HPN: variants seen among roughly 807,000 people sequenced by gnomAD.
The protein encoded by HPN is hepsin.
Under a neutral mutation model 55.9 loss-of-function variants are expected in HPN, and 13 were observed. The observed-to-expected ratio is 0.23, with a 90% confidence interval of 0.15 to 0.37. The LOEUF is 0.37. Ranked by LOEUF, HPN falls within the 10% of genes least tolerant of loss-of-function variation. The pLI is 1.00. For missense variants in HPN, 451 were observed against 575.8 expected, an observed-to-expected ratio of 0.78 and a Z score of 2.22; for synonymous variants, 225 against 240.3, an observed-to-expected ratio of 0.94 and a Z score of 0.59.
rs2064320313 is a variant in HPN, at chr19:35,044,218, G to T, written c.16+1696G>T. On this transcript the variant is annotated intron_variant, in intron 2 of 12. Coordinates refer to ENST00000672452, the MANE Select transcript of HPN (RefSeq NM_001384133.1). Reference sequence around the variant, plus strand: ...TGTGATTCAGAGAGCCGTTGTGGCTGCAGCGGCTGCTGTTGTTGGTGTCAC... The same window carrying T: ...TGTGATTCAGAGAGCCGTTGTGGCTTCAGCGGCTGCTGTTGTTGGTGTCAC... 2.0e-5 allele frequency among the ~76,000 whole-genome samples: 3 copies of T among 152,228 alleles called. No homozygotes were observed. The South Asian group carries it at 6.2e-4, about 32-fold the overall frequency.
chr19:35,065,351 T>A lies in HPN; in HGVS notation c.907+6T>A. On this transcript the variant is annotated splice_donor_region_variant and intron_variant, in intron 10 of 12. Coordinates refer to ENST00000672452, the MANE Select transcript of HPN (RefSeq NM_001384133.1). ...GGGCAACACGCAGTACTATGGTGAG[T>A]CCTGTCCTCTGCCTCTGATGCCACC... 1 of 1,608,366 alleles carries A rather than the reference T, an allele frequency of 6.2e-7. No homozygotes were observed. The highest frequency in any genetic ancestry group is 1.3e-5 in the African/African-American group (1 of 74,840).
Position 35,045,690 on chromosome 19 carries a change from G to A in HPN, c.16+3168G>A, listed in dbSNP as rs150959086. Among the ~76,000 whole-genome samples, 4 of 151,382 alleles carry A rather than the reference G, an allele frequency of 2.6e-5. No individual in the cohort carries two copies. In the East Asian group the frequency reaches 6.0e-4, roughly 23 times the overall value. On this transcript the variant is annotated intron_variant, in intron 2 of 12. Coordinates refer to ENST00000672452, the MANE Select transcript of HPN (RefSeq NM_001384133.1). ...AGACACGCAGGGAGGATGAGGATGC[G>A]TCCCACACCCTGGGCCAGATGAGGA...
At chr19:35,046,201 G>A (rs922995795) in intron 2 of HPN, among the ~76,000 whole-genome samples, 1 of 152,126 alleles carries the variant, frequency 6.6e-6, no homozygotes, top group African/African-American at 2.4e-5. Context: ...CTCTTTTGGG[G>A]AAGAGAGTGT....
intron 7 of HPN, 30 bp from the exon 8 acceptor site, chr19:35,060,317 C>T (rs769410714): frequency 8.7e-6 from 14 of 1,606,110 alleles, no homozygotes; most frequent in Middle Eastern, 1.6e-4. Flanking sequence ...AGTCCCCTGT[C>T]GCCGCCCCCT....
At chr19:35,059,494 G>T in intron 4 of HPN, 179 bp from the exon 5 acceptor site, 1 of 786,334 alleles carries the variant, frequency 1.3e-6, no homozygotes, top group Non-Finnish European at 2.1e-6. Context: ...AAAAAAAAAA[G>T]TCCTTGAGTC....
Position 35,060,468 on chromosome 19 carries a change from G to C in HPN, c.576G>C (p.Leu192=). 6.2e-7 allele frequency: 1 copy of C among 1,613,332 alleles called. No individual in the cohort carries two copies. Among genetic ancestry groups the C allele is most frequent in the East Asian group, 2.2e-5 (1 of 44,880 alleles). The change falls in exon 8 of 13, where the codon CTG becomes CTC. Residue 192 remains leucine, a synonymous_variant. Coordinates refer to ENST00000672452, the MANE Select transcript of HPN (RefSeq NM_001384133.1). ...GAGCACACCTCTGTGGGGGATCCCT[G>C]CTCTCCGGGGACTGGGTGCTGACAG... ...YDGAHLCGGS[L]LSGDWVLTAA...
intron 2 of HPN, among the ~76,000 whole-genome samples, chr19:35,047,294 C>T (rs939475073): frequency 1.3e-5 from 2 of 152,228 alleles, no homozygotes; most frequent in African/African-American, 4.8e-5. Flanking sequence ...CATAAGAGAG[C>T]CTGCTTATTC....
chr19:35,059,109 C>T (rs555108359), intron 4 of HPN: 1 of 169,364 alleles, frequency 5.9e-6, no homozygotes, highest in South Asian at 1.3e-4. Flanking sequence ...CCCTGGTTCG[C>T]GGAGGGGCCG....
intron 7 of HPN, 59 bp from the exon 8 acceptor site, chr19:35,060,288 C>A (rs1473207022): frequency 6.2e-6 from 10 of 1,606,682 alleles, no homozygotes; most frequent in Non-Finnish European, 8.5e-6. Context: ...CAAGCCTGGG[C>A]TCTGGGGACC....
chr19:35,064,359 CTTTT>C (rs1307521823), intron 9 of HPN, among the ~76,000 whole-genome samples: 1 of 151,828 alleles, frequency 6.6e-6, no homozygotes, highest in Non-Finnish European at 1.5e-5. Flanking sequence ...CTCTCTCTTT[CTTTT>C]TTTGAGACAG....
intron 2 of HPN, among the ~76,000 whole-genome samples, chr19:35,047,653 C>T (rs767473526): frequency 6.6e-6 from 1 of 151,876 alleles, no homozygotes; most frequent in Non-Finnish European, 1.5e-5. Context: ...AGGCACACAG[C>T]GGATGTTCAG....
chr19:35,047,062 T>C (rs1185295109), intron 2 of HPN, among the ~76,000 whole-genome samples: 1 of 152,176 alleles, frequency 6.6e-6, no homozygotes, highest in Non-Finnish European at 1.5e-5. Context: ...TCTCCTGACC[T>C]CGTGATCTGC....
chr19:35,054,113 T>C (rs1302121682), intron 4 of HPN, among the ~76,000 whole-genome samples: 1 of 152,208 alleles, frequency 6.6e-6, no homozygotes, highest in Non-Finnish European at 1.5e-5. Context: ...ATCTGTAAGA[T>C]GGGCATAGAA....
chr19:35,064,846 G>T, intron 9 of HPN, among the ~76,000 whole-genome samples: 1 of 151,732 alleles, frequency 6.6e-6, no homozygotes, highest in South Asian at 2.1e-4. Flanking sequence ...TTTTGAGACA[G>T]AGTCTTGCTC....
intron 2 of HPN, among the ~76,000 whole-genome samples, chr19:35,043,643 G>A (rs956113972): frequency 7.2e-5 from 11 of 152,178 alleles, no homozygotes; most frequent in Admixed American, 2.6e-4. Flanking sequence ...CTCGGGTCTC[G>A]GCACAGCTGG....
rs375787478 is a variant in HPN, at chr19:35,049,291, T to C, written c.18T>C (p.Gly6=). Residue 6 remains glycine (G), a splice_region_variant and synonymous_variant, in exon 3 of 13, where the codon GGT becomes GGC. Transcript: ENST00000672452. MAQKE[G]GRTVPCCSRP... is the part of the protein sequence containing the mutation. ...GCCCCAGCATGGTGTCTGTTGCAGG[T>C]GGCCGGACTGTGCCATGCTGCTCCA... The C allele has an allele frequency of 4.5e-5, 70 of 1,543,682 alleles. No individual in the cohort carries two copies. Among genetic ancestry groups the C allele is most frequent in the Admixed American group, 1.1e-4 (6 of 53,492 alleles).
chr19:35,041,395 G>A (rs2064291859), upstream of HPN, among the ~76,000 whole-genome samples: 2 of 152,064 alleles, frequency 1.3e-5, no homozygotes, highest in South Asian at 4.1e-4. Flanking sequence ...AGGGCGGGGG[G>A]AAGGGTTCGC....
chr19:35,064,164 C>T (rs1020893813), intron 9 of HPN, among the ~76,000 whole-genome samples: 6 of 152,064 alleles, frequency 3.9e-5, no homozygotes, highest in African/African-American at 1.4e-4. Context: ...AGGCAGCAGG[C>T]AGCAGGCAAC....
intron 4 of HPN, among the ~76,000 whole-genome samples, chr19:35,057,316 C>T (rs1228930882): frequency 6.6e-6 from 1 of 151,872 alleles, no homozygotes; most frequent in Non-Finnish European, 1.5e-5. Flanking sequence ...GCTCCAGCTA[C>T]TCGGGAGGCT....
Sources: gnomAD v4.1 joint callset for allele counts (sites outside exome capture counted in the v4.1 genomes callset) on GRCh38, gnomAD v4.1.1 for gene constraint, MANE v1.5 for transcripts, NCBI Gene and HGNC (gene_info 2026-07-23, HGNC 2026-07-21) for gene names.